The following ZFAND3 variants were observed in gnomAD, a reference collection of about 807,000 sequenced individuals.
The protein encoded by ZFAND3 is AN1-type zinc finger protein 3.
ZFAND3 carries 10 observed loss-of-function variants against 29.6 expected under a neutral mutation model. The observed-to-expected ratio is 0.34, with a 90% confidence interval of 0.21 to 0.57. The LOEUF is 0.57. Among genes scored for constraint, ZFAND3 ranks in the 20% least tolerant of loss-of-function variants. The pLI, the probability that ZFAND3 is intolerant of heterozygous loss-of-function variation, is 0.86. For missense variants in ZFAND3, 230 were observed against 304.5 expected, an observed-to-expected ratio of 0.76 and a Z score of 1.82; for synonymous variants, 128 against 112.6, an observed-to-expected ratio of 1.14 and a Z score of -0.87.
At chr6:37,836,487 T>G (rs7764130) in intron 1 of ZFAND3, among the ~76,000 whole-genome samples, 33,188 of 152,030 alleles carry the variant, frequency 0.22, 4,522 homozygotes, top group African/African-American at 0.38. Flanking sequence ...TGGCAGTAGG[T>G]TCATGCTGCA....
In ZFAND3 at chr6:38,070,112, G is replaced by A. The variant is rs569923574; in HGVS notation, c.295+8337G>A. 2.0e-5 allele frequency among the ~76,000 whole-genome samples: 3 copies of A among 152,274 alleles called. No individual in the cohort carries two copies. The South Asian group carries it at 6.2e-4, about 32-fold the overall frequency. On this transcript the variant is annotated intron_variant, in intron 3 of 5. Transcript: ENST00000287218. ...TGGGTTGTATTTTTTCTATGCAGCTGTGTACATGTTTACATACAAGATTTT... is the reference window on the plus strand; with the variant it reads ...TGGGTTGTATTTTTTCTATGCAGCTATGTACATGTTTACATACAAGATTTT...
In ZFAND3 at chr6:37,955,004, G is replaced by T. The variant is rs74349326; in HGVS notation, c.112+25005G>T. ...TAGCCTCAGGCTCTTTCCTCACACA[G>T]ATGCCCTTACCCAGTAGTCAGCTAA... On this transcript the variant is annotated intron_variant, in intron 2 of 5. Coordinates refer to ENST00000287218, the MANE Select transcript of ZFAND3 (RefSeq NM_021943.3). Among the ~76,000 whole-genome samples the T allele has an allele frequency of 1.3e-3, 201 of 152,258 alleles. 1 individual carries two copies. Among genetic ancestry groups the T allele is most frequent in the African/African-American group, 4.6e-3 (192 of 41,544 alleles).
At chr6:38,011,494 T>G (rs1763152679) in intron 2 of ZFAND3, among the ~76,000 whole-genome samples, 1 of 152,220 alleles carries the variant, frequency 6.6e-6, no homozygotes, top group Non-Finnish European at 1.5e-5. Context: ...TAAAAAATTT[T>G]GGTCATTCCA....
intron 1 of ZFAND3, among the ~76,000 whole-genome samples, chr6:37,896,568 T>TTTCTTTCTTTC (rs1765217655): frequency 1.4e-5 from 2 of 145,636 alleles, no homozygotes; most frequent in African/African-American, 2.5e-5. Context: ...CTTTCTTTCT[T>TTTCTTTCTTTC]TCTCTCTTTC....
At chr6:38,127,069 C>T (rs1341985488) in intron 5 of ZFAND3, among the ~76,000 whole-genome samples, 1 of 152,122 alleles carries the variant, frequency 6.6e-6, no homozygotes, top group Non-Finnish European at 1.5e-5. Context: ...AGTTTTACTC[C>T]TTTCCAATCT....
chr6:38,057,123 A>G lies in ZFAND3; in HGVS notation c.113-4470A>G, dbSNP rs56688119. On this transcript the variant is annotated intron_variant, in intron 2 of 5. Transcript: ENST00000287218. ...CTTCTAGTTTTCTCATTTATATGAGAATTATAAAATATATCAAGGGAACAG... is the reference window on the plus strand; with the variant it reads ...CTTCTAGTTTTCTCATTTATATGAGGATTATAAAATATATCAAGGGAACAG... Among the ~76,000 whole-genome samples the G allele has an allele frequency of 0.022, 3,404 of 152,300 alleles. 275 individuals are homozygous for G. In the East Asian group the frequency reaches 0.28, roughly 12 times the overall value.
At chr6:37,873,341 C>T (rs1764732288) in intron 1 of ZFAND3, among the ~76,000 whole-genome samples, 1 of 152,166 alleles carries the variant, frequency 6.6e-6, no homozygotes, top group Non-Finnish European at 1.5e-5. Flanking sequence ...CTGTGTGCTA[C>T]CCCCTAGGGT....
At chr6:38,042,944 C>G (rs1447013349) in intron 2 of ZFAND3, among the ~76,000 whole-genome samples, 2 of 152,072 alleles carry the variant, frequency 1.3e-5, no homozygotes, top group Non-Finnish European at 2.9e-5. Flanking sequence ...ATGCCCAGGA[C>G]AGGTTGATAT....
intron 2 of ZFAND3, among the ~76,000 whole-genome samples, chr6:38,038,929 G>T (rs1763709966): frequency 6.6e-6 from 1 of 152,190 alleles, no homozygotes; most frequent in Admixed American, 6.5e-5. Flanking sequence ...AGCTAACTGG[G>T]ATCTGGCTGT....
intron 1 of ZFAND3, among the ~76,000 whole-genome samples, chr6:37,843,343 T>C (rs1021889877): frequency 4.0e-5 from 6 of 151,540 alleles, no homozygotes; most frequent in Non-Finnish European, 8.8e-5. Context: ...AAAAATTAGC[T>C]GGGTGTGGTG....
intron 1 of ZFAND3, among the ~76,000 whole-genome samples, chr6:37,855,839 T>C (rs2127381435): frequency 6.6e-6 from 1 of 152,340 alleles, no homozygotes; most frequent in East Asian, 1.9e-4. Context: ...ATTTTCTTTC[T>C]GCATAGAAAC....
intron 1 of ZFAND3, among the ~76,000 whole-genome samples, chr6:37,895,975 A>T (rs1765196104): frequency 6.6e-6 from 1 of 152,162 alleles, no homozygotes. Context: ...GGGAACACGC[A>T]CTATTCTAGG....
Position 37,945,729 on chromosome 6 carries a change from G to T in ZFAND3, c.112+15730G>T, listed in dbSNP as rs575159661. Among the ~76,000 whole-genome samples, 8 of 152,274 alleles carry T rather than the reference G, an allele frequency of 5.3e-5. No individual in the cohort carries two copies. In the East Asian group the frequency reaches 1.5e-3, roughly 29 times the overall value. On this transcript the variant is annotated intron_variant, in intron 2 of 5. Transcript: ENST00000287218. The stretch of plus-strand genomic sequence containing the variant: ...AATTTATTTTTGGACACACCATATG[G>T]TTTAATCTTTATAAAGCAAAAATGA...
At chr6:37,973,022 C>T (rs1308889712) in intron 2 of ZFAND3, among the ~76,000 whole-genome samples, 3 of 152,080 alleles carry the variant, frequency 2.0e-5, no homozygotes, top group East Asian at 3.9e-4. Flanking sequence ...TTCCCTCCCT[C>T]GAGTTCATTT....
At chr6:37,939,877 T>A (rs1761782058) in intron 2 of ZFAND3, among the ~76,000 whole-genome samples, 1 of 151,972 alleles carries the variant, frequency 6.6e-6, no homozygotes, top group Non-Finnish European at 1.5e-5. Flanking sequence ...CCATCTCTAC[T>A]AAAAATATAA....
At chr6:37,966,692 A>G (rs1762299244) in intron 2 of ZFAND3, among the ~76,000 whole-genome samples, 1 of 152,158 alleles carries the variant, frequency 6.6e-6, no homozygotes, top group Admixed American at 6.5e-5. Context: ...TTTAGTGTTT[A>G]TTTTCTACAA....
intron 4 of ZFAND3, among the ~76,000 whole-genome samples, chr6:38,095,790 G>C (rs1001968130): frequency 1.3e-5 from 2 of 152,124 alleles, no homozygotes; most frequent in Non-Finnish European, 2.9e-5. Flanking sequence ...CCAGCACTTT[G>C]GGAGGTGGAG....
intron 4 of ZFAND3, among the ~76,000 whole-genome samples, chr6:38,099,376 A>G (rs754308307): frequency 6.6e-6 from 1 of 152,164 alleles, no homozygotes; most frequent in African/African-American, 2.4e-5. Context: ...TATATGTATA[A>G]TTATTTCTAG....
At position 38,061,584 on chromosome 6, in the gene ZFAND3, T is replaced by G. The variant is rs917830220; in HGVS notation, c.113-9T>G. The stretch of plus-strand genomic sequence containing the variant: ...TCCTTAATTAAGCTCGTTTTCTATT[T>G]TTCTTCAGATTTTCAAAAGAAACAG... On this transcript the variant is annotated splice_polypyrimidine_tract_variant and intron_variant, in intron 2 of 5. Coordinates refer to ENST00000287218, the MANE Select transcript of ZFAND3 (RefSeq NM_021943.3). The G allele has an allele frequency of 6.2e-7, 1 of 1,613,922 alleles. No homozygotes were observed. Among genetic ancestry groups the G allele is most frequent in the Non-Finnish European group, 8.5e-7 (1 of 1,179,858 alleles).
Sources: gnomAD v4.1 joint callset for allele counts (sites outside exome capture counted in the v4.1 genomes callset) on GRCh38, gnomAD v4.1.1 for gene constraint, MANE v1.5 for transcripts, NCBI Gene and HGNC (gene_info 2026-07-23, HGNC 2026-07-21) for gene names.